TEX14: variants seen among roughly 807,000 people sequenced by gnomAD.
The protein encoded by TEX14 is inactive serine/threonine-protein kinase TEX14.
A neutral mutation model predicts 178.6 loss-of-function variants in TEX14; 168 were observed. The observed-to-expected ratio is 0.94, with a 90% CI of 0.83 to 1.07. The LOEUF (loss-of-function observed/expected upper bound fraction) is 1.07. TEX14 is among the 50% of genes least tolerant of loss of function. The pLI, the probability that TEX14 is intolerant of heterozygous loss-of-function variation, is 0.00. For synonymous variants in TEX14, 626 were observed against 634.1 expected (o/e 0.99, Z 0.19); for missense variants, 1,730 against 1,753.6 (o/e 0.99, Z 0.24).
chr17:58,578,949 T>C (rs1267860856), intron 20 of TEX14, among the ~76,000 whole-genome samples: 5 of 152,200 alleles, frequency 3.3e-5, no homozygotes, highest in Non-Finnish European at 5.9e-5. Flanking sequence ...GCTACACAGG[T>C]TGGTAGGTGG....
Position 58,569,291 on chromosome 17 carries a change from G to A in TEX14, c.3818-31C>T. The A allele has an allele frequency of 6.3e-7, 1 of 1,576,950 alleles. No individual in the cohort carries two copies. Among genetic ancestry groups the A allele is most frequent in the Non-Finnish European group, 8.7e-7 (1 of 1,146,684 alleles). On this transcript the variant is annotated intron_variant, in intron 25 of 31. Transcript: ENST00000349033. This position sits in a 1 kb window ranked among gnomAD's most constrained non-coding sequence, Gnocchi z 4.1. ...TTTTAAAAAAGACAAAAGGGAAAAT[G>A]TCTTAACACCCTCCTGGACCTGAAC...
chr17:58,562,268 A>C (rs1404700345), intron 28 of TEX14, among the ~76,000 whole-genome samples: 1 of 152,142 alleles, frequency 6.6e-6, no homozygotes, highest in Non-Finnish European at 1.5e-5. Flanking sequence ...GCTTTCCTAC[A>C]TGTTTTTCCA....
intron 1 of TEX14, among the ~76,000 whole-genome samples, chr17:58,682,224 G>C (rs1187880819): frequency 6.6e-6 from 1 of 151,376 alleles, no homozygotes; most frequent in African/African-American, 2.4e-5. Context: ...GTTGGGATTA[G>C]AGGCATGGAA....
At chr17:58,669,209 A>T (rs1181662298) in intron 1 of TEX14, among the ~76,000 whole-genome samples, 1 of 152,030 alleles carries the variant, frequency 6.6e-6, no homozygotes, top group East Asian at 1.9e-4. Flanking sequence ...AAAATTAGCC[A>T]GGTATGGTGG....
At chr17:58,660,720 C>T (rs1341500032) in intron 1 of TEX14, 1 of 781,504 alleles carries the variant, frequency 1.3e-6, no homozygotes, top group Non-Finnish European at 2.4e-6. Flanking sequence ...TTTCTGAATT[C>T]TTCTGGTGTT....
intron 19 of TEX14, among the ~76,000 whole-genome samples, chr17:58,582,293 T>C (rs2044840654): frequency 6.6e-6 from 1 of 152,230 alleles, no homozygotes; most frequent in South Asian, 2.1e-4. Context: ...AGAGTCTCTC[T>C]CTGTCACTCA....
intron 8 of TEX14, among the ~76,000 whole-genome samples, chr17:58,613,913 C>T (rs569775376): frequency 1.1e-4 from 16 of 152,192 alleles, no homozygotes; most frequent in African/African-American, 3.6e-4. Flanking sequence ...GTGATCCACC[C>T]GCCTTGGCCT....
intron 1 of TEX14, chr17:58,661,081 C>T (rs775138222): frequency 9.5e-7 from 1 of 1,050,092 alleles, no homozygotes; most frequent in Non-Finnish European, 1.5e-6. Context: ...TTGTAGACAA[C>T]TTATGCTCCA....
chr17:58,581,032 G>T (rs959991222), intron 19 of TEX14, among the ~76,000 whole-genome samples: 9 of 152,270 alleles, frequency 5.9e-5, no homozygotes, highest in African/African-American at 2.2e-4. Flanking sequence ...AACATTTTGA[G>T]CCAGGCATGG....
chr17:58,599,769 AAAG>A (rs901301707), intron 13 of TEX14, 103 bp from the exon 14 acceptor site: 167 of 975,830 alleles, frequency 1.7e-4, no homozygotes, highest in Non-Finnish European at 2.1e-4. Context: ...AAAAAAAAAA[AAAG>A]TTTTTTATTT....
intron 1 of TEX14, chr17:58,679,425 G>A (rs1434639896): frequency 2.1e-5 from 3 of 142,758 alleles, no homozygotes; most frequent in South Asian, 2.1e-4. Context: ...ACCATTAGAA[G>A]GCATCAATCT....
chr17:58,560,816 G>A (rs2044258561), intron 29 of TEX14, among the ~76,000 whole-genome samples: 1 of 152,166 alleles, frequency 6.6e-6, no homozygotes, highest in Admixed American at 6.5e-5. Flanking sequence ...GGACTCCTCT[G>A]AACAGCACAT....
At chr17:58,577,812 C>T (rs929249885) in intron 20 of TEX14, among the ~76,000 whole-genome samples, 5 of 152,130 alleles carry the variant, frequency 3.3e-5, no homozygotes, top group African/African-American at 4.8e-5. Flanking sequence ...CGCCAGGGGG[C>T]GTTGAAAACA....
rs929577677 is a variant in TEX14 at position 58,691,098 on chromosome 17, C to G, written c.-2+841G>C. 2.2e-3 allele frequency among the ~76,000 whole-genome samples: 340 copies of G among 151,964 alleles called. 6 individuals carry two copies. The highest frequency in any genetic ancestry group is 2.4e-4 in the Non-Finnish European group (16 of 67,974). ...TCAAACTCATGAGCTCAAAGAGATC[C>G]ACCTGCCTCGACCTCCCAAAGTGCT... On this transcript the variant is annotated intron_variant, in intron 1 of 31. Coordinates refer to ENST00000349033, the MANE Select transcript of TEX14 (RefSeq NM_031272.5).
rs753316612 is a variant in TEX14, at chr17:58,573,217, G to A, written c.3475C>T (p.His1159Tyr). Residue 1159 changes from histidine to tyrosine, a missense_variant, in exon 23 of 32, where the codon CAT becomes TAT. Physicochemically the swap from His to Tyr is moderately conservative, Grantham distance 83. Coordinates refer to ENST00000349033, the MANE Select transcript of TEX14 (RefSeq NM_031272.5). ...GGAGTGCTGACACTGGTAGGTGCAT[G>A]GTTTATTTTGGGTGTTTTGCATGAA... ...EASCKTPKIN[H>Y]APTSVSTPLS... 80 of 1,613,982 alleles carry A rather than the reference G, an allele frequency of 5.0e-5. 2 individuals are homozygous for A. The South Asian group carries it at 7.2e-4, about 15-fold the overall frequency.
At chr17:58,680,678 A>G (rs1391902951) in intron 1 of TEX14, among the ~76,000 whole-genome samples, 1 of 151,956 alleles carries the variant, frequency 6.6e-6, no homozygotes, top group African/African-American at 2.4e-5. Flanking sequence ...GGAGGTTGCA[A>G]TGAGCTGAGA....
intron 6 of TEX14, 94 bp from the exon 7 acceptor site, chr17:58,616,399 G>T (rs1191913589): frequency 6.7e-7 from 1 of 1,491,396 alleles, no homozygotes; most frequent in Non-Finnish European, 8.9e-7. Context: ...AATGAGAGCT[G>T]CTATTTATCA....
At position 58,577,466 on chromosome 17, in the gene TEX14, T is replaced by A; in HGVS notation, c.3239-10A>T. ...TGGAACTTTTCCTCACCTGAAAGAA[T>A]AAAGTTAAAAATATATATATATATT... On this transcript the variant is annotated splice_polypyrimidine_tract_variant and intron_variant, in intron 20 of 31. Transcript: ENST00000349033. The A allele has an allele frequency of 1.6e-6, 2 of 1,213,420 alleles. No individual in the cohort carries two copies. Among genetic ancestry groups the A allele is most frequent in the Non-Finnish European group, 2.3e-6 (2 of 888,142 alleles). 75.2% of individuals were successfully genotyped at this position (1,213,420 alleles called of 1,614,324 possible).
chr17:58,617,631 T>C lies in TEX14; in HGVS notation c.555-12A>G. Reference sequence around the variant, plus strand: ...AGCCATTAGGGTTTCTAGAAATATTTAAAACAGGAAAAAAACCTCAGAATT... The same window carrying C: ...AGCCATTAGGGTTTCTAGAAATATTCAAAACAGGAAAAAAACCTCAGAATT... On this transcript the variant is annotated splice_polypyrimidine_tract_variant and intron_variant, in intron 5 of 31. Coordinates refer to ENST00000349033, the MANE Select transcript of TEX14 (RefSeq NM_031272.5). The C allele has an allele frequency of 6.2e-7, 1 of 1,600,182 alleles. No homozygotes were observed. Among genetic ancestry groups the C allele is most frequent in the Non-Finnish European group, 8.5e-7 (1 of 1,170,286 alleles).
Sources: allele counts gnomAD v4.1 joint callset (sites outside exome capture counted in the v4.1 genomes callset), GRCh38; gene constraint gnomAD v4.1.1; non-coding constraint Gnocchi (gnomAD v3.1); transcripts MANE v1.5; gene names NCBI Gene and HGNC (gene_info 2026-07-23, HGNC 2026-07-21).